Variants in ATRX observed in about 807,000 individuals in gnomAD.
ATRX encodes the protein chromatin remodeler ATRX.
A neutral mutation model predicts 172.6 loss-of-function variants in ATRX; 12 were observed. The ratio of observed to expected loss-of-function variants is 0.07; its 90% CI spans 0.04 to 0.11. ATRX has a LOEUF of 0.11. Among genes scored for constraint, ATRX ranks in the 10% least tolerant of loss-of-function variants. The pLI is 1.00. For synonymous variants in ATRX, 674 were observed against 594.7 expected, an observed-to-expected ratio of 1.13 and a Z score of -1.94; for missense variants, 1,368 against 1,767.4, an observed-to-expected ratio of 0.77 and a Z score of 4.05.
At chrX:77,706,150 C>CTT (rs1228084514) in intron 2 of ATRX, among the ~76,000 whole-genome samples, 2 of 98,499 alleles carry the variant, frequency 2.0e-5, no homozygotes, top group African/African-American at 7.3e-5. Flanking sequence ...CTACGCCTGG[C>CTT]TTTTTTTTTT....
At chrX:77,783,623 A>C (rs2076637576) in intron 1 of ATRX, among the ~76,000 whole-genome samples, 2 of 112,342 alleles carry the variant, frequency 1.8e-5, no homozygotes, top group African/African-American at 6.5e-5. Context: ...ACTACTGTGT[A>C]AAATAATATT....
chrX:77,535,203 C>T, intron 30 of ATRX, among the ~76,000 whole-genome samples: 1 of 112,107 alleles, frequency 8.9e-6, no homozygotes, highest in East Asian at 2.8e-4. Flanking sequence ...ATTCACATAA[C>T]ACCTTGTATC....
At chrX:77,762,537 T>C (rs1426370005) in intron 1 of ATRX, among the ~76,000 whole-genome samples, 1 of 111,065 alleles carries the variant, frequency 9.0e-6, no homozygotes, top group African/African-American at 3.3e-5. Context: ...GTTGTCATAA[T>C]GTGGAACTTC....
intron 1 of ATRX, among the ~76,000 whole-genome samples, chrX:77,780,879 A>C (rs2076545072): frequency 9.0e-6 from 1 of 110,576 alleles, no homozygotes; most frequent in African/African-American, 3.3e-5. Flanking sequence ...GGTCAAGGCT[A>C]CAGTGAGCCA....
intron 30 of ATRX, among the ~76,000 whole-genome samples, chrX:77,543,957 A>AAT (rs368971356): frequency 4.4e-4 from 46 of 103,704 alleles, no homozygotes; most frequent in South Asian, 1.3e-3. Context: ...TAGAATATTA[A>AAT]ATATATATAT....
At chrX:77,545,697 A>G (rs1557053059) in intron 30 of ATRX, among the ~76,000 whole-genome samples, 1 of 112,042 alleles carries the variant, frequency 8.9e-6, no homozygotes, top group East Asian at 2.8e-4. Flanking sequence ...AGGCATTCAG[A>G]TAGTAACAGT....
At chrX:77,685,361 T>G (rs2071494637) in intron 7 of ATRX, among the ~76,000 whole-genome samples, 1 of 111,718 alleles carries the variant, frequency 9.0e-6, no homozygotes, top group Admixed American at 9.5e-5. Flanking sequence ...AATAATCCAA[T>G]CAAAAAATGG....
At chrX:77,750,579 A>G (rs950304378) in intron 1 of ATRX, among the ~76,000 whole-genome samples, 1 of 110,044 alleles carries the variant, frequency 9.1e-6, no homozygotes, top group African/African-American at 3.3e-5. Context: ...TTTGTTACAC[A>G]GGTATAGATG....
intron 27 of ATRX, among the ~76,000 whole-genome samples, chrX:77,578,927 T>C (rs2065728120): frequency 9.0e-6 from 1 of 110,573 alleles, no homozygotes; most frequent in South Asian, 4.0e-4. Context: ...GAAGGGTGAG[T>C]CTCTGGCCTG....
At chrX:77,545,569 G>C (rs781812188) in intron 30 of ATRX, among the ~76,000 whole-genome samples, 1 of 111,483 alleles carries the variant, frequency 9.0e-6, no homozygotes, top group East Asian at 2.8e-4. Flanking sequence ...GCGGGGTACA[G>C]TTGAATATCT....
chrX:77,629,889 A>G lies in ATRX; in HGVS notation c.5134+3318T>C, dbSNP rs996870810. Among the ~76,000 whole-genome samples, 9 of 112,523 alleles carry G rather than the reference A, an allele frequency of 8.0e-5. No homozygotes were observed. The Admixed American group carries it at 8.4e-4, about 11-fold the overall frequency. ...CAAGAAAAAGAAGTTGAAGATATTCATATTGGAAAGGAAAAAGTAAAACTA... is the reference window on the plus strand; with the variant it reads ...CAAGAAAAAGAAGTTGAAGATATTCGTATTGGAAAGGAAAAAGTAAAACTA... On this transcript the variant is annotated intron_variant, in intron 19 of 34. Transcript: ENST00000373344.
chrX:77,658,764 C>T (rs2069694157), intron 12 of ATRX, among the ~76,000 whole-genome samples: 1 of 111,209 alleles, frequency 9.0e-6, no homozygotes, highest in Non-Finnish European at 1.9e-5. Context: ...TTGTAAACCC[C>T]CGGCTTAGTT....
At chrX:77,643,284 C>CACAA (rs1394640115) in intron 15 of ATRX, among the ~76,000 whole-genome samples, 1 of 110,977 alleles carries the variant, frequency 9.0e-6, no homozygotes, top group Admixed American at 9.6e-5. Context: ...CACACACACA[C>CACAA]AAAACAACTG....
At chrX:77,561,618 A>T (rs1221039576) in intron 28 of ATRX, 3 of 111,337 alleles carry the variant, frequency 2.7e-5, no homozygotes, top group Non-Finnish European at 5.7e-5. Flanking sequence ...ATTGTTCTAT[A>T]AAGTAGTTAT....
intron 19 of ATRX, among the ~76,000 whole-genome samples, chrX:77,623,377 G>C (rs1000645004): frequency 9.0e-6 from 1 of 110,601 alleles, no homozygotes. Flanking sequence ...TTGATACCCC[G>C]AACAGACCAG....
At chrX:77,560,886 A>G (rs1194918457) in intron 28 of ATRX, among the ~76,000 whole-genome samples, 2 of 112,027 alleles carry the variant, frequency 1.8e-5, no homozygotes, top group African/African-American at 6.5e-5. Flanking sequence ...ATTTTACAGT[A>G]GCATAAGGTT....
chrX:77,738,991 A>T (rs1039804474), intron 1 of ATRX, among the ~76,000 whole-genome samples: 1 of 110,996 alleles, frequency 9.0e-6, no homozygotes. Flanking sequence ...AATTTTTTTA[A>T]TTTTTTATTT....
chrX:77,558,698 G>A lies in ATRX; in HGVS notation c.6475C>T (p.Pro2159Ser), dbSNP rs199928157. Residue 2159 changes from proline to serine, a missense_variant, in exon 29 of 35, where the codon CCT (proline) becomes TCT (serine). Around this residue, in one of 17 missense-constraint regions of ATRX, gnomAD observed 8 missense variants for 78.0 expected, o/e 0.10. Coordinates refer to ENST00000373344, the MANE Select transcript of ATRX (RefSeq NM_000489.6). Reference sequence around the variant, plus strand: ...GCTAAGAACCTATATACATAAACAGGCTTAGTTTGTCCAAAGCGATAAACT... The same window carrying A: ...GCTAAGAACCTATATACATAAACAGACTTAGTTTGTCCAAAGCGATAAACT... ...FRVYRFGQTK[P>S]VYVYRFLAQG... 6 of 1,204,274 alleles carry A rather than the reference G, an allele frequency of 5.0e-6. No homozygotes were observed. The highest frequency in any genetic ancestry group is 6.7e-6 in the Non-Finnish European group (6 of 889,660).
chrX:77,696,484 A>G, intron 5 of ATRX, 93 bp downstream of exon 5: 5 of 956,980 alleles, frequency 5.2e-6, no homozygotes, highest in Non-Finnish European at 7.4e-6. Context: ...GGTCGTTTGT[A>G]CATAGTTAAC....
Sources: allele counts gnomAD v4.1 joint callset (sites outside exome capture counted in the v4.1 genomes callset), GRCh38; gene constraint gnomAD v4.1.1; regional missense constraint gnomAD v4.1.1; transcripts MANE v1.5; gene names NCBI Gene and HGNC (gene_info 2026-07-23, HGNC 2026-07-21).